The following MAPRE2 variants were observed in gnomAD, a reference collection of about 807,000 sequenced individuals.
MAPRE2 encodes the protein microtubule associated protein RP/EB family member 2.
MAPRE2 carries 13 observed loss-of-function variants against 43.2 expected under a neutral mutation model. The ratio of observed to expected loss-of-function variants is 0.30; its 90% CI spans 0.20 to 0.48. The LOEUF (loss-of-function observed/expected upper bound fraction) is 0.48, where lower values mean the gene tolerates loss of function less well. MAPRE2 is among the 20% of genes least tolerant of loss of function. MAPRE2 has a pLI of 0.99. For synonymous variants in MAPRE2, 135 were observed against 148.8 expected (o/e 0.91, Z 0.68); for missense variants, 161 against 400.2 (o/e 0.40, Z 5.10).
intron 1 of MAPRE2, among the ~76,000 whole-genome samples, chr18:35,042,201 G>A (rs540408318): frequency 6.6e-6 from 1 of 152,154 alleles, no homozygotes; most frequent in Non-Finnish European, 1.5e-5. Context: ...TGACAGCAGA[G>A]GTGATAGTGT....
At chr18:35,037,298 GC>G (rs1298183919), upstream of MAPRE2, among the ~76,000 whole-genome samples, 1 of 152,148 alleles carries the variant, frequency 6.6e-6, no homozygotes, top group Non-Finnish European at 1.5e-5. Context: ...TTGCTGTATA[GC>G]CACTGGGTTA....
At chr18:35,065,717 C>A (rs1446313737) in intron 1 of MAPRE2, among the ~76,000 whole-genome samples, 1 of 152,134 alleles carries the variant, frequency 6.6e-6, no homozygotes, top group African/African-American at 2.4e-5. Flanking sequence ...CCAAACCTGG[C>A]TAATTTTTGT....
At chr18:35,093,696 A>C (rs766348226) in intron 2 of MAPRE2, among the ~76,000 whole-genome samples, 5 of 152,204 alleles carry the variant, frequency 3.3e-5, no homozygotes, top group Non-Finnish European at 7.3e-5. Context: ...GATCTTCCTC[A>C]TGTGGAATCT....
intron 1 of MAPRE2, among the ~76,000 whole-genome samples, chr18:35,061,526 T>C (rs1338497158): frequency 1.3e-5 from 2 of 152,164 alleles, no homozygotes; most frequent in Admixed American, 1.3e-4. Context: ...TTGCATTGTC[T>C]GTCTAATCCC....
chr18:35,040,157 T>C (rs1337075591), upstream of MAPRE2, among the ~76,000 whole-genome samples: 2 of 152,162 alleles, frequency 1.3e-5, no homozygotes, highest in African/African-American at 4.8e-5. Context: ...GAGCTGAGAT[T>C]GCGCCACTGC....
chr18:34,981,832 T>C (rs1033701448), intron 1 of MAPRE2, among the ~76,000 whole-genome samples: 2 of 152,086 alleles, frequency 1.3e-5, no homozygotes, highest in African/African-American at 4.8e-5. Flanking sequence ...TAGAAACTAC[T>C]CATATACATC....
At chr18:35,031,403 T>G (rs985278457) in intron 2 of MAPRE2, among the ~76,000 whole-genome samples, 1 of 152,254 alleles carries the variant, frequency 6.6e-6, no homozygotes, top group Non-Finnish European at 1.5e-5. Flanking sequence ...TTATAACTTT[T>G]ATCACATTGT....
At chr18:35,119,351 C>T (rs1909567068) in intron 4 of MAPRE2, among the ~76,000 whole-genome samples, 1 of 152,168 alleles carries the variant, frequency 6.6e-6, no homozygotes, top group Non-Finnish European at 1.5e-5. Context: ...CGCAGCCCAG[C>T]TCTGTCTACC....
At chr18:35,120,562 T>C (rs1031314331) in intron 4 of MAPRE2, among the ~76,000 whole-genome samples, 8 of 152,082 alleles carry the variant, frequency 5.3e-5, no homozygotes, top group African/African-American at 1.9e-4. Flanking sequence ...AAAGACTAGG[T>C]CAATATAACT....
At chr18:35,086,820 A>G (rs570774465) in intron 2 of MAPRE2, among the ~76,000 whole-genome samples, 1 of 152,264 alleles carries the variant, frequency 6.6e-6, no homozygotes, top group South Asian at 2.1e-4. Context: ...TAAGGATACT[A>G]TGGGATTCAG....
exon 2 of MAPRE2, chr18:35,005,505 A>C (rs772007155): frequency 3.2e-6 from 5 of 1,540,238 alleles, no homozygotes; most frequent in Non-Finnish European, 4.4e-6. Context: ...CCTGTTTCCC[A>C]GAGGAACAGT....
chr18:35,139,929 T>A (rs1362019171), intron 6 of MAPRE2, among the ~76,000 whole-genome samples: 2 of 152,208 alleles, frequency 1.3e-5, no homozygotes, highest in East Asian at 3.8e-4. Context: ...TTACAGCAGC[T>A]TTACTCATGG....
intron 2 of MAPRE2, among the ~76,000 whole-genome samples, chr18:35,082,781 C>T (rs565554560): frequency 1.3e-5 from 2 of 152,078 alleles, no homozygotes; most frequent in African/African-American, 2.4e-5. Flanking sequence ...ATACTGATTA[C>T]TCTTTGTTGT....
At position 35,143,220 on chromosome 18, in the gene MAPRE2, G is replaced by A. The variant is rs558846016; in HGVS notation, c.*2851G>A. On this transcript the variant is annotated 3_prime_UTR_variant, in exon 7 of 7. Coordinates refer to ENST00000300249, the MANE Select transcript of MAPRE2 (RefSeq NM_014268.4). Reference sequence around the variant, plus strand: ...GCATTCAGATTACTTTTACTAAATAGGACACCATAAAGCTTTTGTTATATA... The same window carrying A: ...GCATTCAGATTACTTTTACTAAATAAGACACCATAAAGCTTTTGTTATATA... The A allele has an allele frequency of 6.6e-6, 1 of 152,042 alleles. No homozygotes were observed. Among genetic ancestry groups the A allele is most frequent in the South Asian group, 2.1e-4 (1 of 4,822 alleles). The allele number at this position is 152,042 out of a possible 1,614,324, so 9.4% of individuals were successfully genotyped here.
chr18:35,140,171 C>A (rs1569019712), intron 6 of MAPRE2, 124 bp from the exon 7 acceptor site: 3 of 784,158 alleles, frequency 3.8e-6, no homozygotes, highest in Non-Finnish European at 6.2e-6. Context: ...GCGAGTTGTG[C>A]CTAACTAAGC....
At chr18:35,086,580 T>C (rs1490387135) in intron 2 of MAPRE2, among the ~76,000 whole-genome samples, 1 of 151,952 alleles carries the variant, frequency 6.6e-6, no homozygotes, top group East Asian at 1.9e-4. Flanking sequence ...TCTATAAAAA[T>C]TTCTAAAACT....
chr18:35,094,751 C>A (rs1189304674), intron 2 of MAPRE2, among the ~76,000 whole-genome samples: 1 of 152,184 alleles, frequency 6.6e-6, no homozygotes, highest in Non-Finnish European at 1.5e-5. Context: ...AACACAGCCT[C>A]CCTTGTGTCA....
chr18:35,063,116 T>TTG (rs1568989235), intron 1 of MAPRE2, among the ~76,000 whole-genome samples: 4 of 152,132 alleles, frequency 2.6e-5, no homozygotes, highest in Non-Finnish European at 1.5e-5. Flanking sequence ...TTGTTGTTTT[T>TTG]TTTTTGAGAT....
At chr18:35,129,506 T>C (rs908888478) in intron 5 of MAPRE2, among the ~76,000 whole-genome samples, 4 of 152,208 alleles carry the variant, frequency 2.6e-5, no homozygotes, top group Non-Finnish European at 5.9e-5. Flanking sequence ...GAAGTACCAC[T>C]ATGCTAGACC....
Sources: gnomAD v4.1 joint callset for allele counts (sites outside exome capture counted in the v4.1 genomes callset) on GRCh38, gnomAD v4.1.1 for gene constraint, MANE v1.5 for transcripts, NCBI Gene and HGNC (gene_info 2026-07-23, HGNC 2026-07-21) for gene names.